The following SAMSN1 variants were observed in gnomAD, a reference collection of about 807,000 sequenced individuals.
SAMSN1 encodes SAM domain-containing protein SAMSN-1.
A neutral mutation model predicts 42.0 loss-of-function variants in SAMSN1; 31 were observed. The observed-to-expected ratio is 0.74, with a 90% CI of 0.55 to 1.00. The LOEUF (loss-of-function observed/expected upper bound fraction) is 1.00, where lower values mean the gene tolerates loss of function less well. SAMSN1 is among the 50% of genes least tolerant of loss of function. The pLI, the probability that SAMSN1 is intolerant of heterozygous loss-of-function variation, is 0.00. For missense variants in SAMSN1, 464 were observed against 439.4 expected, an observed-to-expected ratio of 1.06 and a Z score of -0.50; for synonymous variants, 178 against 151.9, an observed-to-expected ratio of 1.17 and a Z score of -1.26.
intron 5 of SAMSN1, among the ~76,000 whole-genome samples, chr21:14,607,662 C>T (rs1982600909): frequency 6.6e-6 from 1 of 152,190 alleles, no homozygotes; most frequent in African/African-American, 2.4e-5. Flanking sequence ...AGAAGTAACT[C>T]ATCTAAGGTC....
chr21:14,599,663 T>A (rs1003461111), intron 6 of SAMSN1, among the ~76,000 whole-genome samples: 3 of 152,062 alleles, frequency 2.0e-5, no homozygotes, highest in African/African-American at 7.2e-5. Flanking sequence ...TTCAAAGAGC[T>A]AGGGGTGCAC....
At chr21:14,579,906 T>C (rs1981649100) in intron 2 of SAMSN1, among the ~76,000 whole-genome samples, 1 of 152,148 alleles carries the variant, frequency 6.6e-6, no homozygotes, top group South Asian at 2.1e-4. Context: ...TATGGTTAAG[T>C]TCCATGAAGA....
chr21:14,569,210 GCTTGA>G (rs1384217422), intron 2 of SAMSN1, among the ~76,000 whole-genome samples: 3 of 152,240 alleles, frequency 2.0e-5, no homozygotes, highest in African/African-American at 7.2e-5. Flanking sequence ...TGGGAGGATG[GCTTGA>G]GCCCAGAAGA....
intron 2 of SAMSN1, among the ~76,000 whole-genome samples, chr21:14,569,304 A>C (rs1169524921): frequency 6.6e-6 from 1 of 152,146 alleles, no homozygotes; most frequent in Non-Finnish European, 1.5e-5. Context: ...CTAAACAAAA[A>C]CAAAATGCAT....
intron 3 of SAMSN1, among the ~76,000 whole-genome samples, chr21:14,613,552 A>C (rs9981188): frequency 0.043 from 6,528 of 152,216 alleles, 334 homozygotes; most frequent in African/African-American, 0.11. Flanking sequence ...TGAGTTTACC[A>C]TTTTTTCAAA....
intron 6 of SAMSN1, among the ~76,000 whole-genome samples, chr21:14,595,258 G>A (rs1293289963): frequency 6.6e-6 from 1 of 152,064 alleles, no homozygotes; most frequent in Non-Finnish European, 1.5e-5. Flanking sequence ...AAGAGGTGGG[G>A]CTTTTGCGGA....
rs530940791 is a variant in SAMSN1, at chr21:14,580,168, C to G, written c.261+1968G>C. On this transcript the variant is annotated intron_variant, in intron 2 of 8. Coordinates refer to the SAMSN1 transcript ENST00000285670. ...GTTCTAACAGAGAGAATTCACATAT[C>G]AGGCAGAGGCCATCACACTGTCACA... Among the ~76,000 whole-genome samples the G allele has an allele frequency of 4.6e-5, 7 of 152,322 alleles. No homozygotes were observed. The South Asian group carries it at 1.2e-3, about 27-fold the overall frequency.
chr21:14,602,077 T>C (rs564540355), exon 6 of SAMSN1: 6 of 689,772 alleles, frequency 8.7e-6, no homozygotes, highest in South Asian at 1.5e-5. Context: ...TGTTGTTACT[T>C]AGAAAATCAT....
rs550944196 is a variant in SAMSN1 at position 14,578,553 on chromosome 21, G to T, written c.261+3583C>A. 5.9e-5 allele frequency among the ~76,000 whole-genome samples: 9 copies of T among 151,812 alleles called. No homozygotes were observed. The South Asian group carries it at 1.0e-3, about 18-fold the overall frequency. On this transcript the variant is annotated intron_variant, in intron 2 of 8. Coordinates refer to the SAMSN1 transcript ENST00000285670. Reference sequence around the variant, plus strand: ...CAAAAATAAGCCGGGCATGGTGGCGGGCACCTGTAATCCCAGCTACTAGGG... The same window carrying T: ...CAAAAATAAGCCGGGCATGGTGGCGTGCACCTGTAATCCCAGCTACTAGGG...
intron 2 of SAMSN1, among the ~76,000 whole-genome samples, chr21:14,567,872 C>T (rs185260029): frequency 6.6e-6 from 1 of 152,088 alleles, no homozygotes; most frequent in African/African-American, 2.4e-5. Flanking sequence ...GATTGTTGTA[C>T]CTTCTGGATT....
chr21:14,614,710 C>G (rs1187388129), intron 3 of SAMSN1, among the ~76,000 whole-genome samples: 1 of 152,120 alleles, frequency 6.6e-6, no homozygotes, highest in Non-Finnish European at 1.5e-5. Flanking sequence ...CTTAGGACAT[C>G]TCTTGGCATA....
At chr21:14,657,144 A>G (rs1191451429) in intron 1 of SAMSN1, among the ~76,000 whole-genome samples, 1 of 151,844 alleles carries the variant, frequency 6.6e-6, no homozygotes, top group Non-Finnish European at 1.5e-5. Context: ...TATGTTATGT[A>G]TTTATTCCAC....
intron 7 of SAMSN1, among the ~76,000 whole-genome samples, chr21:14,489,852 A>G (rs556729058): frequency 6.6e-6 from 1 of 152,276 alleles, no homozygotes; most frequent in East Asian, 1.9e-4. Flanking sequence ...TGATGAAAAC[A>G]GAAGACGTCT....
intron 6 of SAMSN1, among the ~76,000 whole-genome samples, chr21:14,597,150 T>C (rs1037122401): frequency 6.6e-6 from 1 of 152,134 alleles, no homozygotes; most frequent in Non-Finnish European, 1.5e-5. Flanking sequence ...TTTAGATTGT[T>C]CACACTTTTG....
chr21:14,605,389 A>G (rs1459530568), intron 5 of SAMSN1, among the ~76,000 whole-genome samples: 10 of 152,236 alleles, frequency 6.6e-5, no homozygotes, highest in Non-Finnish European at 1.3e-4. Flanking sequence ...ATTTAGAGGT[A>G]TGAAGTAGGA....
intron 2 of SAMSN1, among the ~76,000 whole-genome samples, chr21:14,570,964 T>C (rs2178938): frequency 0.16 from 24,450 of 152,094 alleles, 2,044 homozygotes; most frequent in East Asian, 0.3. Context: ...TTATCCCACA[T>C]CTCCGTGTTT....
At chr21:14,649,792 C>T (rs1033206198) in intron 1 of SAMSN1, among the ~76,000 whole-genome samples, 25 of 151,614 alleles carry the variant, frequency 1.6e-4, no homozygotes, top group African/African-American at 4.6e-4. Context: ...CACACACACA[C>T]ACACACACAC....
upstream of SAMSN1, among the ~76,000 whole-genome samples, chr21:14,549,877 A>G (rs1188636459): frequency 6.6e-6 from 1 of 151,744 alleles, no homozygotes; most frequent in African/African-American, 2.4e-5. Context: ...GAGTGGGGAT[A>G]TTGTGTTCCT....
At chr21:14,518,238 C>T (rs140023018) in intron 2 of SAMSN1, among the ~76,000 whole-genome samples, 92 of 152,308 alleles carry the variant, frequency 6.0e-4, no homozygotes, top group African/African-American at 2.2e-3. Flanking sequence ...TGTTTATTGG[C>T]CCTGATTAAT....
Sources: gnomAD v4.1 joint callset for allele counts (sites outside exome capture counted in the v4.1 genomes callset) on GRCh38, gnomAD v4.1.1 for gene constraint, MANE v1.5 for transcripts, NCBI Gene and HGNC (gene_info 2026-07-23, HGNC 2026-07-21) for gene names.